The following ZNF618 variants were observed in gnomAD, a reference collection of about 807,000 sequenced individuals.
The protein encoded by ZNF618 is neural precursor cell expressed, developmentally down-regulated 10.
In ZNF618, 34 loss-of-function variants were observed where a neutral mutation model predicts 103.0. That is an observed-to-expected ratio of 0.33 (90% CI 0.25 to 0.44). The LOEUF (loss-of-function observed/expected upper bound fraction) is 0.44, where lower values mean the gene tolerates loss of function less well. ZNF618 is among the 20% of genes least tolerant of loss of function. The pLI is 1.00. For synonymous variants in ZNF618, 551 were observed against 542.2 expected (o/e 1.02, Z -0.23); for missense variants, 1,059 against 1,295.4 (o/e 0.82, Z 2.80).
At chr9:113,936,983 C>T (rs1211871947) in intron 1 of ZNF618, among the ~76,000 whole-genome samples, 1 of 152,042 alleles carries the variant, frequency 6.6e-6, no homozygotes, top group South Asian at 2.1e-4. Context: ...CTTCCTTCCC[C>T]AACCTCATTC....
chr9:113,907,651 AC>A (rs577620970), intron 1 of ZNF618, among the ~76,000 whole-genome samples: 2 of 151,350 alleles, frequency 1.3e-5, no homozygotes, highest in Non-Finnish European at 2.9e-5. Context: ...GTTGTCCAGG[AC>A]CCCCCCGCAT....
At chr9:113,892,416 T>C (rs1034083823) in intron 1 of ZNF618, among the ~76,000 whole-genome samples, 1 of 152,186 alleles carries the variant, frequency 6.6e-6, no homozygotes, top group African/African-American at 2.4e-5. Flanking sequence ...TTCATTTTAA[T>C]CCAAGGTTGG....
rs1846376590 is a variant in ZNF618, at chr9:114,054,962, C to T, written c.*4795C>T. ...CCCCCACCCCCCCGCCCACCCACCA[C>T]GGGTGTCGCTTTAAAGAGTCAATTC... On this transcript the variant is annotated 3_prime_UTR_variant, in exon 15 of 15. Coordinates refer to ENST00000374126, the MANE Select transcript of ZNF618 (RefSeq NM_001318042.2). 1 of 148,694 alleles carries T rather than the reference C, an allele frequency of 6.7e-6. No homozygotes were observed. The highest frequency in any genetic ancestry group is 2.2e-4 in the South Asian group (1 of 4,596). 9.2% of individuals were successfully genotyped at this position (148,694 alleles called of 1,614,324 possible). A position where few individuals can be genotyped will look rare whatever the true frequency, so the allele number is the denominator to read the frequency against.
intron 12 of ZNF618, among the ~76,000 whole-genome samples, chr9:114,034,430 A>C (rs1282447858): frequency 6.6e-6 from 1 of 151,850 alleles, no homozygotes; most frequent in Non-Finnish European, 1.5e-5. Context: ...TAGCGCAAGC[A>C]CTGCTGCTGC....
Position 113,998,303 on chromosome 9 carries a change from A to G in ZNF618, c.382A>G (p.Ser128Gly). The change falls in exon 4 of 15, where the codon AGC becomes GGC. Residue 128 changes from serine (S) to glycine (G), a missense_variant. Transcript: ENST00000374126. Reference protein sequence around the residue: ...EGSPHGGSVRSRYSGTWIFDQ... With the variant: ...EGSPHGGSVRGRYSGTWIFDQ... ...CAGCCCCCACGGTGGATCTGTGCGA[A>G]GCCGGTATTCAGGGACCTGGATTTT... 2 of 1,550,588 alleles carry G rather than the reference A, an allele frequency of 1.3e-6. No individual in the cohort carries two copies. Among genetic ancestry groups the G allele is most frequent in the Non-Finnish European group, 1.7e-6 (2 of 1,146,974 alleles).
chr9:113,967,563 A>T (rs814698), intron 1 of ZNF618, among the ~76,000 whole-genome samples: 33,076 of 152,048 alleles, frequency 0.22, 3,659 homozygotes, highest in Middle Eastern at 0.25. Flanking sequence ...AGAACTGAGG[A>T]TGTTGGACTT....
intron 2 of ZNF618, among the ~76,000 whole-genome samples, chr9:113,975,281 A>G (rs535865399): frequency 6.6e-6 from 1 of 152,300 alleles, no homozygotes; most frequent in East Asian, 1.9e-4. Context: ...GGAATTGAGG[A>G]ATAGACTTAT....
intron 13 of ZNF618, among the ~76,000 whole-genome samples, chr9:114,040,595 T>C (rs1156726925): frequency 2.0e-5 from 3 of 151,246 alleles, no homozygotes; most frequent in African/African-American, 7.3e-5. Context: ...GTTTTTTGTC[T>C]TTGTGATAGT....
intron 1 of ZNF618, among the ~76,000 whole-genome samples, chr9:113,944,840 C>T (rs1309723196): frequency 6.6e-6 from 1 of 152,136 alleles, no homozygotes; most frequent in Non-Finnish European, 1.5e-5. Context: ...GTGTTTTCCT[C>T]GTGACAGCCC....
At chr9:113,963,706 C>G (rs1345160193) in intron 1 of ZNF618, among the ~76,000 whole-genome samples, 1 of 152,238 alleles carries the variant, frequency 6.6e-6, no homozygotes, top group Non-Finnish European at 1.5e-5. Flanking sequence ...CACCATTCAT[C>G]TAAGCAACCT....
Position 114,050,182 on chromosome 9 carries a change from G to A in ZNF618, c.*15G>A. 8 of 1,514,850 alleles carry A rather than the reference G, an allele frequency of 5.3e-6. No individual in the cohort carries two copies. Among genetic ancestry groups the A allele is most frequent in the Admixed American group, 2.2e-5 (1 of 44,648 alleles). The allele number at this position is 1,514,850 out of a possible 1,614,324, so 93.8% of individuals were successfully genotyped here. ...ACATGCTTTAAGACTTGACTTCGGG[G>A]GAAAAAAAAAGAAAAAGAGAAGATA... On this transcript the variant is annotated 3_prime_UTR_variant, in exon 15 of 15. Coordinates refer to ENST00000374126, the MANE Select transcript of ZNF618 (RefSeq NM_001318042.2).
chr9:114,036,226 A>C (rs1844588351), intron 12 of ZNF618, 74 bp from the exon 13 acceptor site: 6 of 1,447,384 alleles, frequency 4.1e-6, no homozygotes, highest in South Asian at 2.5e-5. Context: ...CCACTTGCAA[A>C]GCTGCCTGCA....
At chr9:113,981,392 A>G (rs1038932289) in intron 2 of ZNF618, among the ~76,000 whole-genome samples, 5 of 152,172 alleles carry the variant, frequency 3.3e-5, no homozygotes, top group African/African-American at 1.2e-4. Context: ...TGGCCTGTGT[A>G]AGGGCCTTAG....
intron 9 of ZNF618, among the ~76,000 whole-genome samples, chr9:114,010,846 C>T (rs965375905): frequency 1.3e-5 from 2 of 152,182 alleles, no homozygotes; most frequent in African/African-American, 4.8e-5. Context: ...TGCTGCTCTT[C>T]CAACCGTGTC....
At chr9:113,933,330 A>G (rs1833762786) in intron 1 of ZNF618, among the ~76,000 whole-genome samples, 1 of 152,216 alleles carries the variant, frequency 6.6e-6, no homozygotes, top group Non-Finnish European at 1.5e-5. Context: ...ATGCTGTGGA[A>G]AGCCTCTGGT....
At chr9:113,996,793 G>A (rs1840643063) in intron 3 of ZNF618, among the ~76,000 whole-genome samples, 2 of 152,146 alleles carry the variant, frequency 1.3e-5, no homozygotes, top group Admixed American at 6.5e-5. Flanking sequence ...CAGACATAGT[G>A]GGGGGCTCTG....
At chr9:114,026,617 C>T (rs576964840) in intron 10 of ZNF618, among the ~76,000 whole-genome samples, 7 of 152,298 alleles carry the variant, frequency 4.6e-5, no homozygotes, top group African/African-American at 9.6e-5. Context: ...CTTGCACAGC[C>T]GGCAGACTTG....
At chr9:114,008,590 G>C (rs1841969946) in intron 9 of ZNF618, 36 bp downstream of exon 9, 1 of 1,610,458 alleles carries the variant, frequency 6.2e-7, no homozygotes, top group Non-Finnish European at 8.5e-7. Context: ...AGGGCTGGGT[G>C]GGGGCTGGCC....
intron 1 of ZNF618, among the ~76,000 whole-genome samples, chr9:113,946,525 A>T (rs796727105): frequency 2.0e-5 from 3 of 152,242 alleles, no homozygotes; most frequent in African/African-American, 7.2e-5. Context: ...CACTCCTTCA[A>T]GACATCCCAC....
Sources: allele counts gnomAD v4.1 joint callset (sites outside exome capture counted in the v4.1 genomes callset), GRCh38; gene constraint gnomAD v4.1.1; transcripts MANE v1.5; gene names NCBI Gene and HGNC (gene_info 2026-07-23, HGNC 2026-07-21).